CHKA: variants seen among roughly 807,000 people sequenced by gnomAD.
CHKA encodes CHETK-alpha.
In CHKA, 34 loss-of-function variants were observed where a neutral mutation model predicts 60.1. The observed-to-expected ratio is 0.57, with a 90% CI of 0.43 to 0.75. CHKA has a LOEUF of 0.75. Among genes scored for constraint, CHKA ranks in the 30% least tolerant of loss-of-function variants. CHKA has a pLI of 0.00. For missense variants in CHKA, 563 were observed against 561.3 expected (o/e 1.00, Z -0.03); for synonymous variants, 217 against 223.1 (o/e 0.97, Z 0.24).
chr11:68,074,941 G>T (rs925581026), intron 3 of CHKA, 111 bp from the exon 4 acceptor site: 6 of 901,626 alleles, frequency 6.7e-6, no homozygotes, highest in East Asian at 5.3e-5. Context: ...ATTCTTTCAC[G>T]TGGGCACTAC....
At chr11:68,066,878 A>T (rs1856462054) in intron 7 of CHKA, among the ~76,000 whole-genome samples, 1 of 152,200 alleles carries the variant, frequency 6.6e-6, no homozygotes, top group Non-Finnish European at 1.5e-5. Flanking sequence ...CACCACCCTC[A>T]GCAGCCCTGG....
In CHKA at chr11:68,121,315, C is replaced by T. The variant is rs957471101; in HGVS notation, c.-138G>A. 56 of 499,972 alleles carry T rather than the reference C, an allele frequency of 1.1e-4. No homozygotes were observed. The highest frequency in any genetic ancestry group is 1.4e-4 in the Admixed American group (2 of 14,478). The allele number at this position is 499,972 out of a possible 1,614,324, so 31.0% of individuals were successfully genotyped here. A position where few individuals can be genotyped will look rare whatever the true frequency, so the allele number is the denominator to read the frequency against. ...GGCCGCGGCGGTTGGGCGCGCGGGG[C>T]GGCGGCGGCGGCTGCGGCGACTGCG... On this transcript the variant is annotated 5_prime_UTR_variant, in exon 1 of 12. Transcript: ENST00000265689.
At chr11:68,099,731 C>T (rs1380104444) in intron 1 of CHKA, among the ~76,000 whole-genome samples, 2 of 152,182 alleles carry the variant, frequency 1.3e-5, no homozygotes, top group African/African-American at 2.4e-5. Context: ...AGCAACAGAA[C>T]GGGCATTAAA....
chr11:68,068,969 C>A lies in CHKA; in HGVS notation c.870-32G>T, dbSNP rs112574951. 213 of 1,560,248 alleles carry A rather than the reference C, an allele frequency of 1.4e-4. 2 individuals are homozygous for A. Among genetic ancestry groups the A allele is most frequent in the Middle Eastern group, 1.0e-3 (6 of 5,974 alleles). On this transcript the variant is annotated intron_variant, in intron 6 of 11. Coordinates refer to ENST00000265689, the MANE Select transcript of CHKA (RefSeq NM_001277.3). The stretch of plus-strand genomic sequence containing the variant: ...AGAAAGGTTTCACTGTTACCCATCA[C>A]GCTTCTCAGTCAGCTGCACACAGTC...
At chr11:68,112,918 TA>T (rs773267509) in intron 1 of CHKA, among the ~76,000 whole-genome samples, 77 of 150,848 alleles carry the variant, frequency 5.1e-4, no homozygotes, top group Non-Finnish European at 1.0e-3. Flanking sequence ...CCATCTCTAC[TA>T]AAAATACAAA....
chr11:68,062,057 C>T, intron 10 of CHKA, 23 bp from the exon 11 acceptor site: 4 of 1,481,118 alleles, frequency 2.7e-6, no homozygotes, highest in Non-Finnish European at 3.7e-6. Flanking sequence ...AAGCAAGAAA[C>T]ATATAAGAGA....
intron 10 of CHKA, among the ~76,000 whole-genome samples, chr11:68,063,352 T>A (rs2134507537): frequency 6.6e-6 from 1 of 152,006 alleles, no homozygotes; most frequent in Non-Finnish European, 1.5e-5. Flanking sequence ...ATACAAAAAT[T>A]AGCCAGGCAT....
At chr11:68,064,101 G>A (rs1856353071) in intron 10 of CHKA, among the ~76,000 whole-genome samples, 1 of 152,158 alleles carries the variant, frequency 6.6e-6, no homozygotes, top group African/African-American at 2.4e-5. Flanking sequence ...AAGTCCTAAA[G>A]ATGTACGATT....
chr11:68,054,054 G>C lies in CHKA; in HGVS notation c.1315-7C>G, dbSNP rs757108102. On this transcript the variant is annotated splice_polypyrimidine_tract_variant and splice_region_variant and intron_variant, in intron 11 of 11. Transcript: ENST00000265689. Reference sequence around the variant, plus strand: ...ACCTTGCTTGGGCGTAGTCCTAGGAGACAGCAAAGAGAAGGCCTCAGCAAG... The same window carrying C: ...ACCTTGCTTGGGCGTAGTCCTAGGACACAGCAAAGAGAAGGCCTCAGCAAG... 1.5e-5 allele frequency: 24 copies of C among 1,611,324 alleles called. No homozygotes were observed. The highest frequency in any genetic ancestry group is 8.4e-5 in the Admixed American group (5 of 59,766).
intron 6 of CHKA, among the ~76,000 whole-genome samples, chr11:68,069,574 C>T (rs950308778): frequency 8.6e-5 from 13 of 151,934 alleles, no homozygotes; most frequent in Non-Finnish European, 1.3e-4. Flanking sequence ...GTTCCAGCTA[C>T]TCGGGAGGCT....
At chr11:68,104,416 AATT>A (rs570165561) in intron 1 of CHKA, among the ~76,000 whole-genome samples, 2 of 151,912 alleles carry the variant, frequency 1.3e-5, no homozygotes, top group African/African-American at 2.4e-5. Context: ...TAAATAGGAC[AATT>A]ATTATTATTA....
intron 1 of CHKA, among the ~76,000 whole-genome samples, chr11:68,113,081 CAAAAAAAAAA>C (rs71040587): frequency 2.3e-3 from 34 of 14,550 alleles, no homozygotes; most frequent in East Asian, 0.012. Flanking sequence ...GACTCCGTCT[CAAAAAAAAAA>C]AAAAAAAAAA....
At chr11:68,074,921 C>G in intron 3 of CHKA, 91 bp from the exon 4 acceptor site, 1 of 1,104,478 alleles carries the variant, frequency 9.1e-7, no homozygotes, top group African/African-American at 1.5e-5. Context: ...TTCATCTGAT[C>G]CTCATGAGTA....
chr11:68,097,168 AG>A, intron 1 of CHKA, 38 bp from the exon 2 acceptor site: 1 of 1,499,658 alleles, frequency 6.7e-7, no homozygotes, highest in Non-Finnish European at 9.3e-7. Flanking sequence ...TCTTTATTGC[AG>A]GTGAGCTAAA....
intron 1 of CHKA, among the ~76,000 whole-genome samples, chr11:68,113,370 T>A (rs1453713119): frequency 6.6e-6 from 1 of 152,054 alleles, no homozygotes; most frequent in Non-Finnish European, 1.5e-5. Flanking sequence ...TGAAAAGATT[T>A]TCATCATATG....
intron 2 of CHKA, among the ~76,000 whole-genome samples, chr11:68,083,288 A>G (rs534937850): frequency 1.1e-3 from 175 of 152,332 alleles, no homozygotes; most frequent in African/African-American, 4.0e-3. Flanking sequence ...GGTCTTGGTA[A>G]CAAGGAAGCT....
chr11:68,099,830 A>C (rs1192483604), intron 1 of CHKA, among the ~76,000 whole-genome samples: 1 of 152,230 alleles, frequency 6.6e-6, no homozygotes, highest in African/African-American at 2.4e-5. Context: ...GTACTGTTCT[A>C]AATTGTGTAA....
In CHKA at chr11:68,074,785, C is replaced by T. The variant is rs375494662; in HGVS notation, c.562G>A (p.Ala188Thr). 6.2e-7 allele frequency: 1 copy of T among 1,614,196 alleles called. No individual in the cohort carries two copies. The highest frequency in any genetic ancestry group is 1.1e-5 in the South Asian group (1 of 91,084). ...AGTTTTGGCCCAAGTGACCTCTCTG[C>T]GAGAATGGCAAACATAACGCTCTCC... ...VLESVMFAIL[A>T]ERSLGPKLYG... The change falls in exon 4 of 12, where the codon GCA becomes ACA. Residue 188 changes from alanine to threonine, a missense_variant. Physicochemically the swap from Ala to Thr is moderately conservative, Grantham distance 58. Transcript: ENST00000265689.
intron 4 of CHKA, among the ~76,000 whole-genome samples, chr11:68,071,997 C>A (rs763095891): frequency 6.6e-6 from 1 of 152,246 alleles, no homozygotes; most frequent in Non-Finnish European, 1.5e-5. Context: ...AGGGCCTCCA[C>A]TTCCAGCAGC....
Sources: allele counts gnomAD v4.1 joint callset (sites outside exome capture counted in the v4.1 genomes callset), GRCh38; gene constraint gnomAD v4.1.1; transcripts MANE v1.5; gene names NCBI Gene and HGNC (gene_info 2026-07-23, HGNC 2026-07-21).